The following CELSR1 variants were observed in gnomAD, a reference collection of about 807,000 sequenced individuals.
CELSR1 encodes cadherin EGF LAG seven-pass G-type receptor 1.
A neutral mutation model predicts 249.1 loss-of-function variants in CELSR1; 110 were observed. The observed-to-expected ratio is 0.44, with a 90% confidence interval of 0.38 to 0.52. The LOEUF (loss-of-function observed/expected upper bound fraction) is 0.52, where lower values mean the gene tolerates loss of function less well. CELSR1 is among the 20% of genes least tolerant of loss of function. CELSR1 has a pLI of 0.00. For synonymous variants in CELSR1, 2,113 were observed against 1,900.0 expected (o/e 1.11, Z -2.92); for missense variants, 4,109 against 4,296.4 (o/e 0.96, Z 1.22).
chr22:46,462,245 G>A (rs1303569097), intron 2 of CELSR1, among the ~76,000 whole-genome samples: 1 of 152,246 alleles, frequency 6.6e-6, no homozygotes, highest in Non-Finnish European at 1.5e-5. Flanking sequence ...GCAGGCGTGG[G>A]AACACCACGG....
At chr22:46,513,104 G>A (rs1372039388) in intron 1 of CELSR1, among the ~76,000 whole-genome samples, 1 of 152,178 alleles carries the variant, frequency 6.6e-6, no homozygotes, top group Non-Finnish European at 1.5e-5. Flanking sequence ...ATTCAAACCC[G>A]CGACCACCAT....
Position 46,391,337 on chromosome 22 carries a change from G to A in CELSR1, c.6149-50C>T, listed in dbSNP as rs776938662. 9.2e-6 allele frequency: 14 copies of A among 1,525,272 alleles called. 1 individual carries two copies. The highest frequency in any genetic ancestry group is 6.8e-5 in the South Asian group (6 of 88,046). The allele number at this position is 1,525,272 out of a possible 1,614,324, so 94.5% of individuals were successfully genotyped here. On this transcript the variant is annotated intron_variant, in intron 15 of 34. Transcript: ENST00000674500. The surrounding 1 kb of genome is among the most constrained non-coding windows in gnomAD (Gnocchi z 4.3). ...GCTCAGCGGGGCACGCCACACCCAC[G>A]ACCACAAACAGGCACCACTGTCTGC...
chr22:46,526,894 A>G lies in CELSR1; in HGVS notation c.3544+6733T>C, dbSNP rs968226774. ...GACGCCCAGCCACACGGGGCCAAAA[A>G]TGGCCTCACGTCTTCTCACCAAAGC... On this transcript the variant is annotated intron_variant, in intron 1 of 34. Transcript: ENST00000674500. The surrounding 1 kb of genome is among the most constrained non-coding windows in gnomAD (Gnocchi z 4.7). Among the ~76,000 whole-genome samples the G allele has an allele frequency of 6.6e-6, 1 of 152,142 alleles. No individual in the cohort carries two copies. The highest frequency in any genetic ancestry group is 1.5e-5 in the Non-Finnish European group (1 of 68,028).
chr22:46,442,393 G>A (rs959444271), intron 2 of CELSR1, among the ~76,000 whole-genome samples: 4 of 152,206 alleles, frequency 2.6e-5, no homozygotes, highest in African/African-American at 4.8e-5. Context: ...GGCCATCCCC[G>A]AGGGGCCATC....
chr22:46,380,038 C>T lies in CELSR1; in HGVS notation c.7256+750G>A, dbSNP rs567882667. Among the ~76,000 whole-genome samples the T allele has an allele frequency of 3.9e-5, 6 of 152,340 alleles. No individual in the cohort carries two copies. The South Asian group carries it at 6.2e-4, about 16-fold the overall frequency. On this transcript the variant is annotated intron_variant, in intron 22 of 34. Coordinates refer to ENST00000674500, the MANE Select transcript of CELSR1 (RefSeq NM_001378328.1). The surrounding 1 kb of genome is among the most constrained non-coding windows in gnomAD (Gnocchi z 5.1). ...GAGCAACTCAAATGTCCACACCTCA[C>T]GTGAACTCTGCAGCTAAAAAGCAAA...
At chr22:46,379,384 T>C (rs1418684375) in intron 22 of CELSR1, among the ~76,000 whole-genome samples, 1 of 152,210 alleles carries the variant, frequency 6.6e-6, no homozygotes, top group Non-Finnish European at 1.5e-5. Context: ...ACTTTGCTAA[T>C]CTGTAAAATG....
chr22:46,470,986 G>A (rs562700832), intron 1 of CELSR1, among the ~76,000 whole-genome samples: 23 of 152,206 alleles, frequency 1.5e-4, no homozygotes, highest in Admixed American at 7.9e-4. Context: ...TTAGCAGGGC[G>A]TTGTGGTGCA....
At position 46,366,377 on chromosome 22, in the gene CELSR1, C is replaced by T. The variant is rs763845724; in HGVS notation, c.8300+9G>A. On this transcript the variant is annotated intron_variant, in intron 30 of 34. Transcript: ENST00000674500. ...AGCCACCTCCCCGAACCCGGAGCTG[C>T]GGCCTGACCTGACGATGCTGTCCAG... is the stretch of plus-strand genomic sequence containing the variant. 30 of 1,540,728 alleles carry T rather than the reference C, an allele frequency of 1.9e-5. No homozygotes were observed. The highest frequency in any genetic ancestry group is 1.2e-4 in the Admixed American group (6 of 50,240).
At chr22:46,439,480 C>G in intron 2 of CELSR1, 69 bp from the exon 3 acceptor site, 1 of 1,353,800 alleles carries the variant, frequency 7.4e-7, no homozygotes, top group Non-Finnish European at 1.0e-6. Flanking sequence ...ACGAGCCTGT[C>G]GCAGACCCTG....
intron 5 of CELSR1, among the ~76,000 whole-genome samples, chr22:46,432,400 T>TC (rs2079606254): frequency 6.6e-6 from 1 of 152,104 alleles, no homozygotes; most frequent in Non-Finnish European, 1.5e-5. Context: ...AGAGGAGCCC[T>TC]CGTCTGCCAA....
At position 46,398,307 on chromosome 22, in the gene CELSR1, TGTGGGGGC is replaced by T. The variant is rs2079173287; in HGVS notation, c.5526+209_5526+216del. 1.3e-5 allele frequency among the ~76,000 whole-genome samples: 2 copies of T among 151,378 alleles called. No homozygotes were observed. The highest frequency in any genetic ancestry group is 1.3e-4 in the Admixed American group (2 of 15,230). ...GGTGGCTGGCATGGCGGTGGGGAGC[TGTGGGGGC>T]CAGGGACGGCCCGGATGCCAAGGGG... On this transcript the variant is annotated intron_variant, in intron 11 of 34. Transcript: ENST00000674500. This position sits in a 1 kb window ranked among gnomAD's most constrained non-coding sequence, Gnocchi z 7.2.
chr22:46,391,838 C>T lies in CELSR1; in HGVS notation c.5965-22G>A, dbSNP rs1336564166. The T allele has an allele frequency of 6.2e-7, 1 of 1,600,648 alleles. No individual in the cohort carries two copies. The highest frequency in any genetic ancestry group is 1.3e-5 in the African/African-American group (1 of 74,220). On this transcript the variant is annotated intron_variant, in intron 14 of 34. Transcript: ENST00000674500. This position sits in a 1 kb window ranked among gnomAD's most constrained non-coding sequence, Gnocchi z 4.3. Reference sequence around the variant, plus strand: ...TCTCCTGCAAAAGCCAGAGGCAGGGCCTGTGACTTCAGATGCCCGGGAGAG... The same window carrying T: ...TCTCCTGCAAAAGCCAGAGGCAGGGTCTGTGACTTCAGATGCCCGGGAGAG...
intron 1 of CELSR1, among the ~76,000 whole-genome samples, chr22:46,501,875 G>A (rs1030388041): frequency 2.6e-5 from 4 of 152,110 alleles, no homozygotes; most frequent in Non-Finnish European, 4.4e-5. Context: ...AAAATCATCT[G>A]ATCTGCACCC....
chr22:46,394,343 G>A, intron 13 of CELSR1, 81 bp from the exon 14 acceptor site: 1 of 1,500,664 alleles, frequency 6.7e-7, no homozygotes, highest in Non-Finnish European at 8.9e-7. Flanking sequence ...AGGCAGCATG[G>A]AGATGGTTGC....
Position 46,537,042 on chromosome 22 carries a change from G to T in CELSR1, c.129C>A (p.Ala43=). ...PRVPGGTRAF[A]LRPGCTYAVG... The stretch of plus-strand genomic sequence containing the variant: ...CCGCGTAGGTACAGCCGGGCCGGAG[G>T]GCGAAGGCGCGGGTCCCGCCGGGTA... The change falls in exon 1 of 35, where the codon GCC becomes GCA. Residue 43 remains alanine (A), a synonymous_variant. Transcript: ENST00000674500. This position sits in a 1 kb window ranked among gnomAD's most constrained non-coding sequence, Gnocchi z 5.8. The T allele has an allele frequency of 9.1e-7, 1 of 1,094,540 alleles. No individual in the cohort carries two copies. 67.8% of individuals were successfully genotyped at this position (1,094,540 alleles called of 1,614,324 possible).
intron 19 of CELSR1, among the ~76,000 whole-genome samples, chr22:46,385,267 T>A (rs2079020123): frequency 6.6e-6 from 1 of 152,092 alleles, no homozygotes; most frequent in Non-Finnish European, 1.5e-5. Context: ...TAATTTTTAT[T>A]TTTTATTTTT....
intron 25 of CELSR1, chr22:46,370,167 G>A (rs960529767): frequency 2.1e-5 from 10 of 465,256 alleles, no homozygotes; most frequent in Admixed American, 9.4e-5. Context: ...GGGCCATGTA[G>A]AGGTCAGGAG....
In CELSR1 at chr22:46,364,197, G is replaced by A. The variant is rs761231250; in HGVS notation, c.8834C>T (p.Thr2945Met). 5.6e-5 allele frequency: 90 copies of A among 1,611,642 alleles called. No individual in the cohort carries two copies. Among genetic ancestry groups the A allele is most frequent in the Middle Eastern group, 1.6e-4 (1 of 6,078 alleles). The change falls in exon 34 of 35, where the codon ACG (threonine) becomes ATG (methionine). Residue 2945 changes from threonine to methionine, a missense_variant. Thr to Met is a moderately conservative substitution (Grantham distance 81). Transcript: ENST00000674500. ...CTTCTCCCGGAGCCGGCCCTTCAGCGTCTGCTCCGTCAGCGTCAGCGGCGG... is the reference window on the plus strand; with the variant it reads ...CTTCTCCCGGAGCCGGCCCTTCAGCATCTGCTCCGTCAGCGTCAGCGGCGG... ...YPPPLTLTEQTLKGRLREKLA... is the reference protein window; with the variant it reads ...YPPPLTLTEQMLKGRLREKLA...
Position 46,412,174 on chromosome 22 carries a change from C to T in CELSR1, c.4612-415G>A, listed in dbSNP as rs537411210. On this transcript the variant is annotated intron_variant, in intron 5 of 34. Coordinates refer to ENST00000674500, the MANE Select transcript of CELSR1 (RefSeq NM_001378328.1). The surrounding 1 kb of genome is among the most constrained non-coding windows in gnomAD (Gnocchi z 4.5). ...ACAAGCCAAGGGCCACCTGGGCCACCGACAGCTAGGAAAAGGCAGGAAGGG... is the reference window on the plus strand; with the variant it reads ...ACAAGCCAAGGGCCACCTGGGCCACTGACAGCTAGGAAAAGGCAGGAAGGG... 6.6e-6 allele frequency among the ~76,000 whole-genome samples: 1 copy of T among 152,290 alleles called. No individual in the cohort carries two copies. The highest frequency in any genetic ancestry group is 1.9e-4 in the East Asian group (1 of 5,186).
Sources: allele counts gnomAD v4.1 joint callset (sites outside exome capture counted in the v4.1 genomes callset), GRCh38; gene constraint gnomAD v4.1.1; non-coding constraint Gnocchi (gnomAD v3.1); transcripts MANE v1.5; gene names NCBI Gene and HGNC (gene_info 2026-07-23, HGNC 2026-07-21).